PDLIM5: variants seen among roughly 807,000 people sequenced by gnomAD.
PDLIM5 encodes PDZ and LIM domain protein 5.
Under a neutral mutation model 64.2 loss-of-function variants are expected in PDLIM5, and 34 were observed. That is an observed-to-expected ratio of 0.53 (90% CI 0.40 to 0.71). PDLIM5 has a LOEUF of 0.71. Among genes scored for constraint, PDLIM5 ranks in the 30% least tolerant of loss-of-function variants. The probability of loss-of-function intolerance (pLI) is 0.00; values close to 1 mark genes in which losing one functional copy is unlikely to be tolerated. For synonymous variants in PDLIM5, 253 were observed against 269.1 expected (o/e 0.94, Z 0.59); for missense variants, 683 against 733.6 (o/e 0.93, Z 0.80).
chr4:94,611,163 A>G lies in PDLIM5; in HGVS notation c.921-6841A>G, dbSNP rs1001100118. On this transcript the variant is annotated intron_variant, in intron 7 of 12. Transcript: ENST00000317968. ...AGCTTTTTCCTATCTGCAGTCCTCA[A>G]GGAAATCAACTGGCTCTATCCATGT... The G allele has an allele frequency of 1.9e-5, 29 of 1,535,262 alleles. No homozygotes were observed. In the African/African-American group the frequency reaches 3.7e-4, roughly 20 times the overall value.
intron 8 of PDLIM5, among the ~76,000 whole-genome samples, chr4:94,618,560 C>T (rs564900365): frequency 6.6e-6 from 1 of 152,274 alleles, no homozygotes; most frequent in South Asian, 2.1e-4. Context: ...ATAACAACCA[C>T]AGAAACATTT....
intron 8 of PDLIM5, among the ~76,000 whole-genome samples, chr4:94,635,813 C>T (rs1418936778): frequency 1.3e-5 from 2 of 152,180 alleles, no homozygotes; most frequent in Non-Finnish European, 1.5e-5. Flanking sequence ...GTGAGAAATT[C>T]AGTCTGAAGA....
chr4:94,648,778 C>T (rs191292668), intron 9 of PDLIM5, among the ~76,000 whole-genome samples: 9 of 152,308 alleles, frequency 5.9e-5, no homozygotes, highest in South Asian at 2.1e-4. Context: ...CTGGGACTGA[C>T]GTCCTTATAG....
At chr4:94,568,051 G>C (rs938330698) in intron 3 of PDLIM5, among the ~76,000 whole-genome samples, 1 of 152,168 alleles carries the variant, frequency 6.6e-6, no homozygotes, top group Non-Finnish European at 1.5e-5. Flanking sequence ...ATTATAATTA[G>C]GGCTTTGCAT....
intron 3 of PDLIM5, among the ~76,000 whole-genome samples, chr4:94,542,995 A>G (rs1298089719): frequency 6.6e-6 from 1 of 152,258 alleles, no homozygotes; most frequent in Non-Finnish European, 1.5e-5. Context: ...GCAAAAGTGG[A>G]CAGACTGGTC....
intron 2 of PDLIM5, among the ~76,000 whole-genome samples, chr4:94,519,859 C>T (rs1197771129): frequency 1.3e-5 from 2 of 152,112 alleles, no homozygotes; most frequent in African/African-American, 4.8e-5. Context: ...TCCCAAATTC[C>T]CACAGTCTTT....
rs1743001228 is a variant in PDLIM5, at chr4:94,664,993, T to C, written c.*926T>C. On this transcript the variant is annotated 3_prime_UTR_variant, in exon 13 of 13. Transcript: ENST00000317968. ...AAGAGATGTTATATTCTTTTCTCATTTCTTCCCCACCCAAAAATAAGCTAC... is the reference window on the plus strand; with the variant it reads ...AAGAGATGTTATATTCTTTTCTCATCTCTTCCCCACCCAAAAATAAGCTAC... 2 of 983,294 alleles carry C rather than the reference T, an allele frequency of 2.0e-6. No homozygotes were observed. Among genetic ancestry groups the C allele is most frequent in the Non-Finnish European group, 2.4e-6 (2 of 828,052 alleles). 60.9% of individuals were successfully genotyped at this position (983,294 alleles called of 1,614,324 possible).
chr4:94,663,570 ATGT>A (rs1214736090), intron 12 of PDLIM5, among the ~76,000 whole-genome samples: 1 of 152,206 alleles, frequency 6.6e-6, no homozygotes, highest in Non-Finnish European at 1.5e-5. Flanking sequence ...CAGCAAGCTA[ATGT>A]TGGGCTTGGG....
rs1490919133 is a variant in PDLIM5 at position 94,666,329 on chromosome 4, CTGAA to C, written c.*2264_*2267del. The C allele has an allele frequency of 1.4e-5, 4 of 286,866 alleles. No individual in the cohort carries two copies. Among genetic ancestry groups the C allele is most frequent in the African/African-American group, 8.7e-5 (4 of 46,130 alleles). The allele number at this position is 286,866 out of a possible 1,614,324, so 17.8% of individuals were successfully genotyped here. On this transcript the variant is annotated 3_prime_UTR_variant, in exon 13 of 13. Transcript: ENST00000317968. ...GCAAGGGGTGACACAAAGTAGCAAA[CTGAA>C]TACTTCTCCAATAGCAACCCCAAGC...
At chr4:94,640,107 A>AC (rs1740878397) in intron 8 of PDLIM5, among the ~76,000 whole-genome samples, 169 bp from the exon 9 acceptor site, 1 of 152,112 alleles carries the variant, frequency 6.6e-6, no homozygotes. Context: ...TTTCCCATTT[A>AC]CCTACATAGT....
Position 94,609,078 on chromosome 4 carries a change from T to C in PDLIM5, c.921-8926T>C, listed in dbSNP as rs985803545. Among the ~76,000 whole-genome samples, 6 of 152,302 alleles carry C rather than the reference T, an allele frequency of 3.9e-5. No homozygotes were observed. The East Asian group carries it at 5.8e-4, about 15-fold the overall frequency. ...TTTGTAAAGTTATAGCCTGTGGAAA[T>C]TGGAAGAATGACTTATCAAATTCTT... On this transcript the variant is annotated intron_variant, in intron 7 of 12. Transcript: ENST00000317968.
In PDLIM5 at chr4:94,526,738, C is replaced by CT. The variant is rs913991885; in HGVS notation, c.248+2874dup. ...AAGTTTGAACAGCATTTCTTTCTTT[C>CT]TTTTTTTTTTTGAGACTGAATCTCG... On this transcript the variant is annotated intron_variant, in intron 3 of 12. Transcript: ENST00000317968. Among the ~76,000 whole-genome samples, 239 of 148,726 alleles carry CT rather than the reference C, an allele frequency of 1.6e-3. 1 individual carries two copies. The highest frequency in any genetic ancestry group is 2.5e-3 in the Admixed American group (38 of 14,916).
intron 3 of PDLIM5, among the ~76,000 whole-genome samples, chr4:94,557,054 C>A (rs965385568): frequency 2.5e-4 from 38 of 152,300 alleles, no homozygotes; most frequent in Non-Finnish European, 4.7e-4. Flanking sequence ...ACATTTAAGT[C>A]TTTAATCCAT....
At chr4:94,629,341 AAAAT>A (rs1235316976) in intron 8 of PDLIM5, among the ~76,000 whole-genome samples, 1 of 152,134 alleles carries the variant, frequency 6.6e-6, no homozygotes, top group Non-Finnish European at 1.5e-5. Context: ...TTCAAAAAAA[AAAAT>A]AAAGAAAGAA....
chr4:94,524,964 A>T (rs755129579), intron 3 of PDLIM5, among the ~76,000 whole-genome samples: 3 of 152,150 alleles, frequency 2.0e-5, no homozygotes, highest in Non-Finnish European at 2.9e-5. Flanking sequence ...GTAGTTATGG[A>T]GATTTTAAGC....
chr4:94,525,905 C>T (rs1313955953), intron 3 of PDLIM5, among the ~76,000 whole-genome samples: 1 of 152,154 alleles, frequency 6.6e-6, no homozygotes. Context: ...TAGTATTCTT[C>T]TGTTCTCTAT....
At position 94,592,838 on chromosome 4, in the gene PDLIM5, C is replaced by T. The variant is rs116976720; in HGVS notation, c.920+6394C>T. Reference sequence around the variant, plus strand: ...TTTGCCATGTTGCCCAGGCTGGTCTCGAACTCTTGGCAATCTGCCTGCCTC... The same window carrying T: ...TTTGCCATGTTGCCCAGGCTGGTCTTGAACTCTTGGCAATCTGCCTGCCTC... On this transcript the variant is annotated intron_variant, in intron 7 of 12. Transcript: ENST00000317968. Among the ~76,000 whole-genome samples the T allele has an allele frequency of 5.1e-4, 78 of 152,190 alleles. No individual in the cohort carries two copies. The East Asian group carries it at 0.013, about 25-fold the overall frequency.
intron 2 of PDLIM5, among the ~76,000 whole-genome samples, chr4:94,514,238 C>A (rs1408294715): frequency 1.3e-5 from 2 of 150,858 alleles, no homozygotes; most frequent in East Asian, 3.9e-4. Context: ...GGGTTCATGC[C>A]ATTCTCCTCT....
intron 2 of PDLIM5, among the ~76,000 whole-genome samples, chr4:94,501,585 T>C (rs1727926564): frequency 6.6e-6 from 1 of 152,222 alleles, no homozygotes; most frequent in African/African-American, 2.4e-5. Flanking sequence ...CTGTATTTTA[T>C]AGTTTTTTAG....
Sources: gnomAD v4.1 joint callset for allele counts (sites outside exome capture counted in the v4.1 genomes callset) on GRCh38, gnomAD v4.1.1 for gene constraint, MANE v1.5 for transcripts, NCBI Gene and HGNC (gene_info 2026-07-23, HGNC 2026-07-21) for gene names.